The following TAFA1 variants were observed in gnomAD, a reference collection of about 807,000 sequenced individuals.
TAFA1 encodes the protein chemokine-like protein TAFA-1.
A neutral mutation model predicts 18.5 loss-of-function variants in TAFA1; 4 were observed. The ratio of observed to expected loss-of-function variants is 0.22; its 90% confidence interval spans 0.11 to 0.49. TAFA1 has a LOEUF of 0.49. Ranked by LOEUF, TAFA1 falls within the 20% of genes least tolerant of loss-of-function variation. The pLI is 0.98. For synonymous variants in TAFA1, 56 were observed against 55.2 expected, an observed-to-expected ratio of 1.01 and a Z score of -0.06; for missense variants, 147 against 169.0, an observed-to-expected ratio of 0.87 and a Z score of 0.72.
At chr3:68,062,906 A>G (rs2064622695) in intron 2 of TAFA1, among the ~76,000 whole-genome samples, 1 of 152,330 alleles carries the variant, frequency 6.6e-6, no homozygotes, top group Middle Eastern at 3.4e-3. Flanking sequence ...ATTAGCTAAA[A>G]GCACTAGTTT....
At position 68,301,343 on chromosome 3, in the gene TAFA1, C is replaced by A. The variant is rs10470543; in HGVS notation, c.119-115937C>A. Among the ~76,000 whole-genome samples the A allele has an allele frequency of 4.0e-3, 602 of 152,216 alleles. 2 individuals carry two copies. The highest frequency in any genetic ancestry group is 0.014 in the African/African-American group (580 of 41,526). ...TTATCTTGTTGGAGATCATTTTATA[C>A]CCTCACAAAATGAGCTTCCTAATTC... is the stretch of plus-strand genomic sequence containing the variant. On this transcript the variant is annotated intron_variant, in intron 2 of 4. Coordinates refer to ENST00000478136, the MANE Select transcript of TAFA1 (RefSeq NM_213609.4).
chr3:68,082,404 A>T (rs2064916789), intron 2 of TAFA1, among the ~76,000 whole-genome samples: 1 of 152,168 alleles, frequency 6.6e-6, no homozygotes, highest in Non-Finnish European at 1.5e-5. Flanking sequence ...AGAAACCTTA[A>T]ATATAAGAGG....
chr3:68,296,874 A>G (rs1284112109), intron 2 of TAFA1, among the ~76,000 whole-genome samples: 1 of 152,240 alleles, frequency 6.6e-6, no homozygotes, highest in East Asian at 1.9e-4. Flanking sequence ...ACAGTAGTAA[A>G]TAGCACATAA....
chr3:68,321,317 T>C (rs1445489546), intron 2 of TAFA1, among the ~76,000 whole-genome samples: 1 of 152,204 alleles, frequency 6.6e-6, no homozygotes, highest in East Asian at 1.9e-4. Context: ...CCTACTTCAA[T>C]AGCTTAGTTG....
chr3:68,433,129 C>T (rs950041256), intron 3 of TAFA1, among the ~76,000 whole-genome samples: 4 of 152,070 alleles, frequency 2.6e-5, no homozygotes, highest in Non-Finnish European at 5.9e-5. Context: ...TTCCACCAGT[C>T]TGCTTACTTG....
chr3:68,167,304 G>A (rs993529913), intron 2 of TAFA1, among the ~76,000 whole-genome samples: 2 of 152,300 alleles, frequency 1.3e-5, no homozygotes, highest in East Asian at 1.9e-4. Context: ...GCGGCCGGGC[G>A]CCGTGGCTCA....
At chr3:68,040,466 G>C (rs549886957) in intron 2 of TAFA1, among the ~76,000 whole-genome samples, 1 of 152,266 alleles carries the variant, frequency 6.6e-6, no homozygotes, top group East Asian at 1.9e-4. Flanking sequence ...TAATGACTCT[G>C]AAGCTCTAAT....
Position 68,145,586 on chromosome 3 carries a change from C to G in TAFA1, c.118+138842C>G. ...TCCACTTCCCCCAATACCCAATGAACAGCAGTTAGCCAGACTGACGGATTA... is the reference window on the plus strand; with the variant it reads ...TCCACTTCCCCCAATACCCAATGAAGAGCAGTTAGCCAGACTGACGGATTA... On this transcript the variant is annotated intron_variant, in intron 2 of 4. Transcript: ENST00000478136. The G allele has an allele frequency of 2.0e-6, 3 of 1,490,888 alleles. No individual in the cohort carries two copies. In the South Asian group the frequency reaches 3.4e-5, roughly 17 times the overall value. The allele number at this position is 1,490,888 out of a possible 1,614,324, so 92.4% of individuals were successfully genotyped here. A position where few individuals can be genotyped will look rare whatever the true frequency, so the allele number is the denominator to read the frequency against.
chr3:68,409,353 T>C (rs1268553275), intron 2 of TAFA1, among the ~76,000 whole-genome samples: 2 of 152,116 alleles, frequency 1.3e-5, no homozygotes, highest in Non-Finnish European at 2.9e-5. Context: ...CGAATTGTAA[T>C]CCCCACATGT....
At position 68,170,602 on chromosome 3, in the gene TAFA1, G is replaced by A. The variant is rs566818541; in HGVS notation, c.118+163858G>A. On this transcript the variant is annotated intron_variant, in intron 2 of 4. Coordinates refer to ENST00000478136, the MANE Select transcript of TAFA1 (RefSeq NM_213609.4). ...ATGTTCAGAGCTGTGCTTATCCCCAGAAATAAACCGAAAATGCCCCAAGCT... is the reference window on the plus strand; with the variant it reads ...ATGTTCAGAGCTGTGCTTATCCCCAAAAATAAACCGAAAATGCCCCAAGCT... Among the ~76,000 whole-genome samples the A allele has an allele frequency of 1.1e-3, 163 of 152,224 alleles. 1 individual carries two copies. Among genetic ancestry groups the A allele is most frequent in the Non-Finnish European group, 1.9e-3 (132 of 68,018 alleles).
chr3:68,286,235 A>C (rs1415422537), intron 2 of TAFA1, among the ~76,000 whole-genome samples: 1 of 150,356 alleles, frequency 6.7e-6, no homozygotes, highest in Non-Finnish European at 1.5e-5. Context: ...AATCATAACA[A>C]ATTTAAAAAA....
At chr3:68,542,106 C>G (rs540322135) in intron 4 of TAFA1, among the ~76,000 whole-genome samples, 19 of 152,042 alleles carry the variant, frequency 1.2e-4, no homozygotes, top group Admixed American at 1.2e-3. Flanking sequence ...TTAGGCAAAG[C>G]CTTTTCTTTC....
intron 3 of TAFA1, among the ~76,000 whole-genome samples, chr3:68,536,146 G>A (rs568092170): frequency 1.1e-3 from 170 of 152,236 alleles, no homozygotes; most frequent in African/African-American, 4.0e-3. Context: ...TTTATTCAAA[G>A]TAAAGATTGA....
the TAFA1 span, among the ~76,000 whole-genome samples, chr3:67,994,812 C>T: frequency 6.6e-6 from 1 of 152,164 alleles, no homozygotes; most frequent in African/African-American, 2.4e-5. Context: ...CTTGTCCTTG[C>T]ATGACTTTGG....
intron 2 of TAFA1, among the ~76,000 whole-genome samples, chr3:68,399,666 G>C (rs373563517): frequency 6.6e-6 from 1 of 151,918 alleles, no homozygotes; most frequent in Non-Finnish European, 1.5e-5. Flanking sequence ...TAATAAAAAC[G>C]ACTACCCACT....
intron 2 of TAFA1, among the ~76,000 whole-genome samples, chr3:68,404,461 A>G (rs1011325483): frequency 4.6e-5 from 7 of 152,168 alleles, no homozygotes; most frequent in African/African-American, 7.2e-5. Context: ...TGAAAGTAAA[A>G]TCTAACATCT....
chr3:68,353,746 A>G (rs188093110), intron 2 of TAFA1, among the ~76,000 whole-genome samples: 1 of 152,126 alleles, frequency 6.6e-6, no homozygotes, highest in East Asian at 1.9e-4. Flanking sequence ...GTCGCACAGT[A>G]TTTCAGTCTC....
intron 2 of TAFA1, among the ~76,000 whole-genome samples, chr3:68,156,655 A>C (rs1053581517): frequency 2.0e-5 from 3 of 152,158 alleles, no homozygotes; most frequent in African/African-American, 7.2e-5. Flanking sequence ...CAGTTCAGTG[A>C]CCTACATTTT....
chr3:68,193,765 G>T (rs1025755776), intron 2 of TAFA1, among the ~76,000 whole-genome samples: 3 of 151,606 alleles, frequency 2.0e-5, no homozygotes, highest in Non-Finnish European at 4.4e-5. Flanking sequence ...AAATGAACAG[G>T]TCTCTTCTGT....
Sources: allele counts gnomAD v4.1 joint callset (sites outside exome capture counted in the v4.1 genomes callset), GRCh38; gene constraint gnomAD v4.1.1; transcripts MANE v1.5; gene names NCBI Gene and HGNC (gene_info 2026-07-23, HGNC 2026-07-21).